C15orf40: variants seen among roughly 807,000 people sequenced by gnomAD.
C15orf40 encodes UPF0235 protein C15orf40.
C15orf40 carries 9 observed loss-of-function variants against 13.9 expected under a neutral mutation model. The observed-to-expected ratio is 0.65, with a 90% CI of 0.39 to 1.13. C15orf40 has a LOEUF of 1.13. Ranked by LOEUF, C15orf40 falls within the 50% of genes most tolerant of loss-of-function variation. C15orf40 has a pLI of 0.01. For missense variants in C15orf40, 225 were observed against 188.5 expected (o/e 1.19, Z -1.13); for synonymous variants, 95 against 69.2 (o/e 1.37, Z -1.85).
In C15orf40 at chr15:82,998,677, A is replaced by T; in HGVS notation, c.*6920T>A. 2.8e-5 allele frequency: 1 copy of T among 36,126 alleles called. No individual in the cohort carries two copies. Among genetic ancestry groups the T allele is most frequent in the Middle Eastern group, 5.8e-3 (1 of 172 alleles). 2.2% of individuals were successfully genotyped at this position (36,126 alleles called of 1,614,324 possible). A position where few individuals can be genotyped will look rare whatever the true frequency, so the allele number is the denominator to read the frequency against. On this transcript the variant is annotated 3_prime_UTR_variant, in exon 4 of 4. Coordinates refer to ENST00000304177, the MANE Select transcript of C15orf40 (RefSeq NM_144597.3). ...TGGCGGCCGGGCGGAGACGCTCCTC[A>T]CTTTCCAGACTGGGCAGCCAGGCAG...
downstream of C15orf40, chr15:82,989,817 G>T (rs1216629946): frequency 3.8e-6 from 6 of 1,572,818 alleles, no homozygotes; most frequent in Non-Finnish European, 5.2e-6. Flanking sequence ...GCACTGCTAT[G>T]GGTTTGTCAT....
At chr15:82,989,782 T>C, downstream of C15orf40, 1 of 1,389,894 alleles carries the variant, frequency 7.2e-7, no homozygotes, top group Non-Finnish European at 9.7e-7. Context: ...TCTTATTTAT[T>C]GTGTATTAGA....
chr15:83,008,191 C>CAAA, intron 3 of C15orf40: 6 of 200,052 alleles, frequency 3.0e-5, no homozygotes, highest in South Asian at 6.2e-5. Flanking sequence ...GACTCCGTCT[C>CAAA]AAAAAAAAAA....
downstream of C15orf40, chr15:82,989,899 G>C: frequency 1.9e-6 from 3 of 1,612,276 alleles, no homozygotes; most frequent in Non-Finnish European, 2.5e-6. Context: ...ACAACAGACA[G>C]TTCAGAGGCA....
rs1355706644 is a variant in C15orf40 at position 82,999,994 on chromosome 15, T to G, written c.*5603A>C. ...TACTATGAAGGATCATTATCTCCAG[T>G]GTTGTCCCAAAAGACCTTCTGTGGC... On this transcript the variant is annotated 3_prime_UTR_variant, in exon 4 of 4. Coordinates refer to ENST00000304177, the MANE Select transcript of C15orf40 (RefSeq NM_144597.3). The G allele has an allele frequency of 1.3e-5, 2 of 152,156 alleles. No individual in the cohort carries two copies. The highest frequency in any genetic ancestry group is 4.8e-5 in the African/African-American group (2 of 41,404). The allele number at this position is 152,156 out of a possible 1,614,324, so 9.4% of individuals were successfully genotyped here. A position where few individuals can be genotyped will look rare whatever the true frequency, so the allele number is the denominator to read the frequency against.
chr15:82,990,112 A>G (rs753230663), downstream of C15orf40: 7 of 922,888 alleles, frequency 7.6e-6, no homozygotes, highest in East Asian at 1.4e-4. Flanking sequence ...CTCTGTTACC[A>G]TGAGAAAAGT....
chr15:82,993,297 G>A (rs545956523), downstream of C15orf40, among the ~76,000 whole-genome samples: 39 of 152,282 alleles, frequency 2.6e-4, no homozygotes, highest in East Asian at 5.8e-4. Context: ...TTGAATCAAC[G>A]GGAGGGAAGT....
At chr15:83,007,628 C>T (rs1186254970) in intron 3 of C15orf40, among the ~76,000 whole-genome samples, 4 of 152,134 alleles carry the variant, frequency 2.6e-5, no homozygotes, top group Admixed American at 1.3e-4. Context: ...TGGTGGTTCA[C>T]GTTTGTAATC....
At chr15:82,992,221 G>A (rs1368828493), downstream of C15orf40, among the ~76,000 whole-genome samples, 1 of 152,014 alleles carries the variant, frequency 6.6e-6, no homozygotes, top group Non-Finnish European at 1.5e-5. Context: ...TCTCTTAAAA[G>A]TAATGATTTA....
Position 83,001,334 on chromosome 15 carries a change from G to A in C15orf40, c.*4263C>T. On this transcript the variant is annotated 3_prime_UTR_variant, in exon 4 of 4. Coordinates refer to ENST00000304177, the MANE Select transcript of C15orf40 (RefSeq NM_144597.3). Reference sequence around the variant, plus strand: ...GTCAAGTAAGCAACCAAGTTAATAAGTGATTAATACATCATGTTTGCACAA... The same window carrying A: ...GTCAAGTAAGCAACCAAGTTAATAAATGATTAATACATCATGTTTGCACAA... 3 of 972,992 alleles carry A rather than the reference G, an allele frequency of 3.1e-6. No homozygotes were observed. Among genetic ancestry groups the A allele is most frequent in the Non-Finnish European group, 3.7e-6 (3 of 818,590 alleles). The allele number at this position is 972,992 out of a possible 1,614,324, so 60.3% of individuals were successfully genotyped here.
chr15:83,011,475 C>A, intron 1 of C15orf40, 22 bp downstream of exon 1: 1 of 1,589,212 alleles, frequency 6.3e-7, no homozygotes, highest in Non-Finnish European at 8.6e-7. Flanking sequence ...ACCCCTCTGC[C>A]GCCACGGGAC....
At chr15:83,006,875 A>G (rs190046330) in intron 3 of C15orf40, among the ~76,000 whole-genome samples, 1 of 152,348 alleles carries the variant, frequency 6.6e-6, no homozygotes, top group African/African-American at 2.4e-5. Context: ...AGAATGAGGA[A>G]CATCTTTCAG....
intron 1 of C15orf40, chr15:83,010,667 G>A: frequency 3.6e-6 from 1 of 275,766 alleles, no homozygotes; most frequent in Non-Finnish European, 6.9e-6. Context: ...TGGGGGCAGG[G>A]ATCATTTATT....
chr15:83,010,637 G>C (rs900440765), intron 1 of C15orf40: 4 of 329,082 alleles, frequency 1.2e-5, no homozygotes, highest in African/African-American at 8.5e-5. Context: ...TCCTCCCTCT[G>C]CTTTGTATTT....
chr15:82,989,033 C>T (rs146767881), downstream of C15orf40: 47 of 1,611,070 alleles, frequency 2.9e-5, no homozygotes, highest in East Asian at 2.9e-4. Flanking sequence ...CTGACACTGC[C>T]GAAGCTGTTC....
rs2031571234 is a variant in C15orf40 at position 83,004,548 on chromosome 15, T to C, written c.*1049A>G. 1.2e-6 allele frequency: 1 copy of C among 849,090 alleles called. No individual in the cohort carries two copies. Among genetic ancestry groups the C allele is most frequent in the Non-Finnish European group, 1.4e-6 (1 of 705,882 alleles). The allele number at this position is 849,090 out of a possible 1,614,324, so 52.6% of individuals were successfully genotyped here. A position where few individuals can be genotyped will look rare whatever the true frequency, so the allele number is the denominator to read the frequency against. Reference sequence around the variant, plus strand: ...TACTGAAAATAGCTTCCAAGTCCTCTTTCTTCTTTTAAGGATCTTTGGAGA... The same window carrying C: ...TACTGAAAATAGCTTCCAAGTCCTCCTTCTTCTTTTAAGGATCTTTGGAGA... On this transcript the variant is annotated 3_prime_UTR_variant, in exon 4 of 4. Coordinates refer to ENST00000304177, the MANE Select transcript of C15orf40 (RefSeq NM_144597.3).
At chr15:83,008,261 C>G in intron 3 of C15orf40, 1 of 353,524 alleles carries the variant, frequency 2.8e-6, no homozygotes, top group South Asian at 2.5e-5. Context: ...GCTCATACCT[C>G]TAATCCCAGC....
rs1426219025 is a variant in C15orf40 at position 82,997,803 on chromosome 15, C to T, written c.*7794G>A. On this transcript the variant is annotated 3_prime_UTR_variant, in exon 4 of 4. Transcript: ENST00000304177. ...GCCGGGCAGAGGCGCCCCTCACCTC[C>T]CAGACGGGGCGGCTGGCAGGGCAGG... The T allele has an allele frequency of 7.5e-6, 1 of 134,048 alleles. No homozygotes were observed. Among genetic ancestry groups the T allele is most frequent in the Non-Finnish European group, 1.5e-5 (1 of 65,040 alleles). 8.3% of individuals were successfully genotyped at this position (134,048 alleles called of 1,614,324 possible).
At chr15:82,994,629 A>C (rs1433119625), downstream of C15orf40, among the ~76,000 whole-genome samples, 1 of 152,236 alleles carries the variant, frequency 6.6e-6, no homozygotes, top group South Asian at 2.1e-4. Context: ...TAGTTGTGAA[A>C]GTACTTACTT....
Sources: gnomAD v4.1 joint callset for allele counts (sites outside exome capture counted in the v4.1 genomes callset) on GRCh38, gnomAD v4.1.1 for gene constraint, MANE v1.5 for transcripts, NCBI Gene and HGNC (gene_info 2026-07-23, HGNC 2026-07-21) for gene names.